The following FYCO1 variants were observed in gnomAD, a reference collection of about 807,000 sequenced individuals.
FYCO1 encodes FYVE and coiled-coil domain autophagy adaptor 1, also known as FYVE and coiled-coil domain-containing protein 1.
In FYCO1, 122 loss-of-function variants were observed where a neutral mutation model predicts 165.1. That is an observed-to-expected ratio of 0.74 (90% CI 0.64 to 0.86). The LOEUF (loss-of-function observed/expected upper bound fraction) is 0.86. Among genes scored for constraint, FYCO1 ranks in the 40% least tolerant of loss-of-function variants. FYCO1 has a pLI of 0.00. For synonymous variants in FYCO1, 648 were observed against 742.5 expected, an observed-to-expected ratio of 0.87 and a Z score of 2.07; for missense variants, 1,702 against 1,810.3, an observed-to-expected ratio of 0.94 and a Z score of 1.09.
chr3:45,955,545 G>T, intron 13 of FYCO1, 152 bp from the exon 14 acceptor site: 1 of 890,276 alleles, frequency 1.1e-6, no homozygotes, highest in Non-Finnish European at 1.8e-6. Flanking sequence ...CAGCTATTCT[G>T]TCCAGAGTTG....
intron 2 of FYCO1, among the ~76,000 whole-genome samples, chr3:45,984,014 C>A (rs1232794990): frequency 6.6e-6 from 1 of 152,182 alleles, no homozygotes. Flanking sequence ...GGTGCCCAAG[C>A]AGTTAGAAGC....
At chr3:45,956,929 A>G (rs565531189) in intron 13 of FYCO1, among the ~76,000 whole-genome samples, 2 of 152,254 alleles carry the variant, frequency 1.3e-5, no homozygotes, top group Non-Finnish European at 2.9e-5. Flanking sequence ...AAAACCTAGA[A>G]TAGCCAATAC....
intron 14 of FYCO1, among the ~76,000 whole-genome samples, chr3:45,944,134 A>G (rs1704426913): frequency 6.6e-6 from 1 of 152,112 alleles, no homozygotes. Flanking sequence ...ACATGGCAGA[A>G]GGATTCAAGG....
intron 13 of FYCO1, among the ~76,000 whole-genome samples, chr3:45,957,476 C>T (rs1027533391): frequency 2.6e-5 from 4 of 152,096 alleles, no homozygotes; most frequent in Non-Finnish European, 5.9e-5. Context: ...TAAAGATAAG[C>T]TATAGATTGG....
At chr3:45,947,903 C>T (rs1704739285) in intron 14 of FYCO1, 1 of 228,362 alleles carries the variant, frequency 4.4e-6, no homozygotes, top group South Asian at 8.8e-5. Flanking sequence ...TCAGAAGGCT[C>T]TTCTGACTAC....
chr3:45,979,857 G>A, intron 3 of FYCO1, 27 bp from the exon 4 acceptor site: 1 of 1,613,230 alleles, frequency 6.2e-7, no homozygotes, highest in Non-Finnish European at 8.5e-7. Context: ...AAAGGGAGAG[G>A]AGGTCCAAAC....
chr3:45,994,895 A>T (rs1707726000), intron 1 of FYCO1, among the ~76,000 whole-genome samples: 1 of 151,312 alleles, frequency 6.6e-6, no homozygotes, highest in Non-Finnish European at 1.5e-5. Flanking sequence ...CAAGTGTTCT[A>T]TTTTTTTTTC....
chr3:45,938,656 G>A (rs1375267304), intron 14 of FYCO1, among the ~76,000 whole-genome samples: 2 of 152,190 alleles, frequency 1.3e-5, no homozygotes, highest in Non-Finnish European at 2.9e-5. Context: ...ACCACACCCA[G>A]CTAATTTTTG....
intron 15 of FYCO1, among the ~76,000 whole-genome samples, chr3:45,933,421 G>A (rs1370334519): frequency 2.6e-5 from 4 of 152,146 alleles, no homozygotes; most frequent in Non-Finnish European, 4.4e-5. Flanking sequence ...ATGTCCAGCC[G>A]ACCTATTCTC....
chr3:45,975,806 C>T (rs770204459), intron 4 of FYCO1, among the ~76,000 whole-genome samples: 1 of 152,136 alleles, frequency 6.6e-6, no homozygotes, highest in African/African-American at 2.4e-5. Context: ...CTCAGCTCAG[C>T]TAATGATGGT....
Position 45,962,852 on chromosome 3 carries a change from C to A in FYCO1, c.3270-460G>T, listed in dbSNP as rs1159437340. On this transcript the variant is annotated intron_variant, in intron 10 of 17. Coordinates refer to ENST00000296137, the MANE Select transcript of FYCO1 (RefSeq NM_024513.4). The surrounding 1 kb of genome is among the most constrained non-coding windows in gnomAD (Gnocchi z 4.4). ...TCTACACATGGGGCATGGCCCTGGG[C>A]CCACAGCAGGCACTCAGTCTTAATC... Among the ~76,000 whole-genome samples, 1 of 152,168 alleles carries A rather than the reference C, an allele frequency of 6.6e-6. No individual in the cohort carries two copies. Among genetic ancestry groups the A allele is most frequent in the Non-Finnish European group, 1.5e-5 (1 of 68,018 alleles).
At chr3:45,953,682 C>T (rs757142068) in intron 14 of FYCO1, among the ~76,000 whole-genome samples, 75 of 152,238 alleles carry the variant, frequency 4.9e-4, no homozygotes, top group Middle Eastern at 3.4e-3. Context: ...AGCATTCTTG[C>T]GGCAGTCAGG....
Position 45,931,167 on chromosome 3 carries a change from G to C in FYCO1, c.4155C>G (p.Gly1385=). ...SLIPITVAEA[G]LTISWVFSSD... The stretch of plus-strand genomic sequence containing the variant: ...AGGAGAAGACCCAGCTGATGGTGAG[G>C]CCTGCCTCGGCCACAGTGATGGGGA... The change falls in exon 16 of 18, where the codon GGC becomes GGG. Residue 1385 remains glycine (G), a synonymous_variant. Coordinates refer to ENST00000296137, the MANE Select transcript of FYCO1 (RefSeq NM_024513.4). 1 of 1,614,106 alleles carries C rather than the reference G, an allele frequency of 6.2e-7. No homozygotes were observed. Among genetic ancestry groups the C allele is most frequent in the Non-Finnish European group, 8.5e-7 (1 of 1,179,958 alleles).
Position 45,959,508 on chromosome 3 carries a change from G to C in FYCO1, c.3472C>G (p.Leu1158Val). ...KDALWQKSDALEFQQKLSAEE... is the reference protein window; with the variant it reads ...KDALWQKSDAVEFQQKLSAEE... ...GCACTGAGCTTCTGCTGGAATTCCA[G>C]GGCATCTGACTTCTGCCAGAGAGCA... Residue 1158 changes from leucine (L) to valine (V), a missense_variant, in exon 12 of 18, where the codon CTG becomes GTG. Transcript: ENST00000296137. The C allele has an allele frequency of 6.2e-7, 1 of 1,614,118 alleles. No individual in the cohort carries two copies. The highest frequency in any genetic ancestry group is 8.5e-7 in the Non-Finnish European group (1 of 1,180,018).
chr3:45,932,323 T>G (rs1459098519), intron 15 of FYCO1, among the ~76,000 whole-genome samples: 2 of 152,240 alleles, frequency 1.3e-5, no homozygotes, highest in African/African-American at 4.8e-5. Context: ...GAACCTCGGT[T>G]TCTCAACTGT....
intron 17 of FYCO1, among the ~76,000 whole-genome samples, chr3:45,922,850 G>C (rs1559437342): frequency 6.6e-6 from 1 of 152,192 alleles, no homozygotes; most frequent in Non-Finnish European, 1.5e-5. Flanking sequence ...GGTAGCCCAG[G>C]ACCTTGCTCA....
Position 45,959,555 on chromosome 3 carries a change from C to T in FYCO1, c.3438-13G>A. 1 of 1,613,158 alleles carries T rather than the reference C, an allele frequency of 6.2e-7. No individual in the cohort carries two copies. The highest frequency in any genetic ancestry group is 1.1e-5 in the South Asian group (1 of 91,050). On this transcript the variant is annotated splice_polypyrimidine_tract_variant and intron_variant, in intron 11 of 17. Transcript: ENST00000296137. Reference sequence around the variant, plus strand: ...AGCATCCTTGTCCCTGGGACAAAACCACATTGGAAGAAAAGGAGAGAGAAT... The same window carrying T: ...AGCATCCTTGTCCCTGGGACAAAACTACATTGGAAGAAAAGGAGAGAGAAT...
Position 45,921,259 on chromosome 3 carries a change from A to G in FYCO1, c.*506T>C, listed in dbSNP as rs1336660930. On this transcript the variant is annotated 3_prime_UTR_variant, in exon 18 of 18. Transcript: ENST00000296137. ...GGGGGGTCCCCTGGCACCGACTCGC[A>G]TGATGGCTGTGTACCTCCTTTTCCC... 4.6e-6 allele frequency: 1 copy of G among 217,184 alleles called. No individual in the cohort carries two copies. Among genetic ancestry groups the G allele is most frequent in the Non-Finnish European group, 9.3e-6 (1 of 107,628 alleles). The allele number at this position is 217,184 out of a possible 1,614,324, so 13.5% of individuals were successfully genotyped here.
intron 2 of FYCO1, among the ~76,000 whole-genome samples, chr3:45,982,238 G>A (rs1034664080): frequency 6.6e-6 from 1 of 152,054 alleles, no homozygotes; most frequent in Non-Finnish European, 1.5e-5. Context: ...GAGAGGCAGG[G>A]ATTGCCTTAT....
Sources: gnomAD v4.1 joint callset for allele counts (sites outside exome capture counted in the v4.1 genomes callset) on GRCh38, gnomAD v4.1.1 for gene constraint, Gnocchi (gnomAD v3.1) non-coding constraint, MANE v1.5 for transcripts, NCBI Gene and HGNC (gene_info 2026-07-23, HGNC 2026-07-21) for gene names.